Variants in NFIB observed in about 807,000 individuals in gnomAD.
The protein encoded by NFIB is nuclear factor 1 B-type.
NFIB carries 11 observed loss-of-function variants against 61.5 expected under a neutral mutation model. That is an observed-to-expected ratio of 0.18 (90% confidence interval 0.11 to 0.30). The LOEUF (loss-of-function observed/expected upper bound fraction) is 0.30, where lower values mean the gene tolerates loss of function less well. Among genes scored for constraint, NFIB ranks in the 10% least tolerant of loss-of-function variants. NFIB has a pLI of 1.00. For synonymous variants in NFIB, 260 were observed against 216.5 expected (o/e 1.20, Z -1.76); for missense variants, 471 against 608.9 (o/e 0.77, Z 2.38).
chr9:14,250,070 C>T (rs1487293449), intron 2 of NFIB, among the ~76,000 whole-genome samples: 1 of 152,140 alleles, frequency 6.6e-6, no homozygotes, highest in African/African-American at 2.4e-5. Context: ...TAGGGTAACA[C>T]ACCAAGTTTT....
chr9:14,248,272 A>C (rs1587909269), intron 2 of NFIB, among the ~76,000 whole-genome samples: 7 of 140,728 alleles, frequency 5.0e-5, no homozygotes, highest in Admixed American at 7.1e-5. Context: ...CTTCCTTCCC[A>C]CCTAAACTGC....
At chr9:14,153,935 T>C (rs1176102269) in intron 4 of NFIB, among the ~76,000 whole-genome samples, 1 of 152,126 alleles carries the variant, frequency 6.6e-6, no homozygotes, top group East Asian at 1.9e-4. Flanking sequence ...AATAAATGTT[T>C]GCTGAATAAA....
chr9:14,495,413 C>G, the NFIB span, among the ~76,000 whole-genome samples: 3 of 145,916 alleles, frequency 2.1e-5, no homozygotes, highest in South Asian at 6.6e-4. Context: ...GCCATCACCA[C>G]AGCAGCAATA....
the NFIB span, among the ~76,000 whole-genome samples, chr9:14,481,704 C>T: frequency 9.9e-5 from 15 of 152,040 alleles, no homozygotes; most frequent in African/African-American, 3.1e-4. Flanking sequence ...TAGTTCTCTC[C>T]GGATATTACT....
At chr9:14,131,201 A>G (rs1403788696) in intron 6 of NFIB, among the ~76,000 whole-genome samples, 4 of 152,230 alleles carry the variant, frequency 2.6e-5, no homozygotes. Context: ...ATGACTTTAG[A>G]AACTCATCGT....
chr9:14,314,822 T>A (rs1250669487), upstream of NFIB, among the ~76,000 whole-genome samples: 1 of 149,920 alleles, frequency 6.7e-6, no homozygotes, highest in Admixed American at 6.6e-5. Context: ...AGCTCTTCTT[T>A]CCGCTGCCCT....
At chr9:14,322,645 C>T (rs946486126) in intron 1 of NFIB, among the ~76,000 whole-genome samples, 2 of 145,994 alleles carry the variant, frequency 1.4e-5, no homozygotes, top group Non-Finnish European at 3.0e-5. Flanking sequence ...TTCCGCCTGG[C>T]GGCGGGAAGG....
the NFIB span, among the ~76,000 whole-genome samples, chr9:14,417,218 T>A: frequency 6.6e-6 from 1 of 152,200 alleles, no homozygotes; most frequent in Non-Finnish European, 1.5e-5. Flanking sequence ...TATTTTTTAC[T>A]GTACCTTTTC....
chr9:14,526,717 T>G, the NFIB span, among the ~76,000 whole-genome samples: 1 of 152,242 alleles, frequency 6.6e-6, no homozygotes, highest in East Asian at 1.9e-4. Flanking sequence ...TTGACATCAT[T>G]CAGCCATGTT....
At chr9:14,437,321 GA>G in the NFIB span, among the ~76,000 whole-genome samples, 1 of 152,322 alleles carries the variant, frequency 6.6e-6, no homozygotes, top group East Asian at 1.9e-4. Context: ...GAAGTTCATG[GA>G]AGCTGTCCCT....
At chr9:14,334,268 G>A (rs899839185) in intron 1 of NFIB, among the ~76,000 whole-genome samples, 2 of 152,078 alleles carry the variant, frequency 1.3e-5, no homozygotes, top group African/African-American at 4.8e-5. Context: ...TATGCCTGTG[G>A]TAAATTTTCG....
chr9:14,221,347 G>A (rs540796830), intron 2 of NFIB, among the ~76,000 whole-genome samples: 1 of 152,168 alleles, frequency 6.6e-6, no homozygotes, highest in Admixed American at 6.5e-5. Context: ...GAAATCATAA[G>A]AACTCTATAA....
intron 3 of NFIB, among the ~76,000 whole-genome samples, chr9:14,168,776 A>T (rs1172924775): frequency 6.6e-6 from 1 of 152,226 alleles, no homozygotes; most frequent in Admixed American, 6.5e-5. Flanking sequence ...AGAGTTATTA[A>T]GATTCAGCAT....
the NFIB span, among the ~76,000 whole-genome samples, chr9:14,417,774 G>GTTTT: frequency 2.1e-3 from 195 of 91,730 alleles, 1 homozygote; most frequent in African/African-American, 3.5e-3. Context: ...CCTAGGAACA[G>GTTTT]TTTTTTTTTT....
intron 1 of NFIB, among the ~76,000 whole-genome samples, chr9:14,392,496 G>A (rs1431044890): frequency 6.6e-6 from 1 of 152,230 alleles, no homozygotes; most frequent in Non-Finnish European, 1.5e-5. Context: ...GGGAGGCCAA[G>A]GCTGATGGAT....
intron 1 of NFIB, chr9:14,362,131 C>T (rs1210095810): frequency 6.6e-6 from 1 of 152,176 alleles, no homozygotes; most frequent in Non-Finnish European, 1.5e-5. Context: ...TTAAGTAGTT[C>T]TGTGGCTCCA....
rs143262369 is a variant in NFIB, at chr9:14,180,365, T to C, written c.563-585A>G. The stretch of plus-strand genomic sequence containing the variant: ...AGCAAGGAAAGCATAAATTACTAGG[T>C]AGAAACCAACATGGCTTTGTGGAGA... On this transcript the variant is annotated intron_variant, in intron 2 of 10. Transcript: ENST00000380953. 4.8e-4 allele frequency among the ~76,000 whole-genome samples: 73 copies of C among 152,266 alleles called. 1 individual carries two copies. The highest frequency in any genetic ancestry group is 4.6e-4 in the Admixed American group (7 of 15,296).
chr9:14,101,854 A>C (rs1301366121), intron 10 of NFIB, among the ~76,000 whole-genome samples: 1 of 152,208 alleles, frequency 6.6e-6, no homozygotes, highest in African/African-American at 2.4e-5. Flanking sequence ...CAGAAATTAA[A>C]ACTTTAACAA....
the NFIB span, among the ~76,000 whole-genome samples, chr9:14,468,893 G>T: frequency 6.6e-6 from 1 of 152,152 alleles, no homozygotes; most frequent in Non-Finnish European, 1.5e-5. Context: ...CCACCATTTG[G>T]AATAAAAATA....
Sources: gnomAD v4.1 joint callset for allele counts (sites outside exome capture counted in the v4.1 genomes callset) on GRCh38, gnomAD v4.1.1 for gene constraint, MANE v1.5 for transcripts, NCBI Gene and HGNC (gene_info 2026-07-23, HGNC 2026-07-21) for gene names.